Variants in ST6GAL1 observed in about 807,000 individuals in gnomAD.
The protein encoded by ST6GAL1 is beta-galactoside alpha-2,6-sialyltransferase 1.
Under a neutral mutation model 38.0 loss-of-function variants are expected in ST6GAL1, and 20 were observed. The observed-to-expected ratio is 0.53, with a 90% CI of 0.37 to 0.77. The LOEUF (loss-of-function observed/expected upper bound fraction) is 0.77. Among genes scored for constraint, ST6GAL1 ranks in the 30% least tolerant of loss-of-function variants. The pLI, the probability that ST6GAL1 is intolerant of heterozygous loss-of-function variation, is 0.00. For synonymous variants in ST6GAL1, 196 were observed against 188.2 expected (o/e 1.04, Z -0.34); for missense variants, 432 against 496.4 (o/e 0.87, Z 1.23).
At position 187,075,938 on chromosome 3, in the gene ST6GAL1, G is replaced by A; in HGVS notation, c.*135G>A. On this transcript the variant is annotated 3_prime_UTR_variant, in exon 8 of 8. Transcript: ENST00000169298. The surrounding 1 kb of genome is among the most constrained non-coding windows in gnomAD (Gnocchi z 4.1). ...AGGGGCCTCTGTCAGCAAGACCATG[G>A]GGACTTCAAGAGCCTGTGGTCAGGA... 7.3e-7 allele frequency: 1 copy of A among 1,369,720 alleles called. No individual in the cohort carries two copies. Among genetic ancestry groups the A allele is most frequent in the Non-Finnish European group, 9.8e-7 (1 of 1,025,598 alleles). The allele number at this position is 1,369,720 out of a possible 1,614,324, so 84.8% of individuals were successfully genotyped here.
Position 187,044,743 on chromosome 3 carries a change from C to G in ST6GAL1, c.607+1433C>G, listed in dbSNP as rs74506294. 1.8e-3 allele frequency among the ~76,000 whole-genome samples: 281 copies of G among 152,282 alleles called. 1 individual carries two copies. Among genetic ancestry groups the G allele is most frequent in the African/African-American group, 6.5e-3 (272 of 41,558 alleles). On this transcript the variant is annotated intron_variant, in intron 4 of 7. Transcript: ENST00000169298. ...AAGTTTGAGACAGGGCCTGATAGCT[C>G]TGTTAATTAGAACTACAGCTTTAAT...
chr3:186,987,150 G>A (rs1053843127), intron 2 of ST6GAL1, among the ~76,000 whole-genome samples: 9 of 136,776 alleles, frequency 6.6e-5, no homozygotes, highest in South Asian at 5.4e-4. Context: ...AGAAGGAAGG[G>A]AGGGAGGGAG....
rs1482970244 is a variant in ST6GAL1, at chr3:187,048,015, T to C, written c.608-3234T>C. Reference sequence around the variant, plus strand: ...TGGAGTGCAGTGGCGTGATCTTGGCTCACTGCAAGCTCCACCTCCTGGGTT... The same window carrying C: ...TGGAGTGCAGTGGCGTGATCTTGGCCCACTGCAAGCTCCACCTCCTGGGTT... On this transcript the variant is annotated intron_variant, in intron 4 of 7. Coordinates refer to ENST00000169298, the MANE Select transcript of ST6GAL1 (RefSeq NM_173216.2). Among the ~76,000 whole-genome samples, 4 of 151,578 alleles carry C rather than the reference T, an allele frequency of 2.6e-5. 1 individual carries two copies. The highest frequency in any genetic ancestry group is 2.6e-4 in the Admixed American group (4 of 15,216).
At chr3:187,021,962 C>T (rs1717322301) in intron 2 of ST6GAL1, 1 of 152,166 alleles carries the variant, frequency 6.6e-6, no homozygotes, top group Admixed American at 6.5e-5. Context: ...CACATCTCTT[C>T]ATCTGTATCC....
At position 187,066,591 on chromosome 3, in the gene ST6GAL1, TGC is replaced by T. The variant is rs1719141729; in HGVS notation, c.706-6256_706-6255del. Among the ~76,000 whole-genome samples, 5 of 122,328 alleles carry T rather than the reference TGC, an allele frequency of 4.1e-5. No individual in the cohort carries two copies. The South Asian group carries it at 1.5e-3, about 36-fold the overall frequency. 80.3% of individuals were successfully genotyped at this position (122,328 alleles called of 152,430 possible). On this transcript the variant is annotated intron_variant, in intron 5 of 7. Transcript: ENST00000169298. ...TGCACAGTGGTAATATCTGAAGATG[TGC>T]GTGCGTGCGTGTGTGTGTGTGTGTG...
intron 1 of ST6GAL1, among the ~76,000 whole-genome samples, chr3:186,945,386 A>G (rs2108517539): frequency 6.6e-6 from 1 of 152,284 alleles, no homozygotes; most frequent in South Asian, 2.1e-4. Flanking sequence ...CACTCAAATT[A>G]CTTTGCAAGT....
intron 3 of ST6GAL1, among the ~76,000 whole-genome samples, chr3:187,040,320 T>C (rs1200387074): frequency 6.6e-6 from 1 of 152,198 alleles, no homozygotes; most frequent in African/African-American, 2.4e-5. Flanking sequence ...TGAAGGTGGC[T>C]TGTCTGCGAC....
chr3:187,059,634 A>T (rs1299739197), intron 5 of ST6GAL1, among the ~76,000 whole-genome samples: 1 of 152,182 alleles, frequency 6.6e-6, no homozygotes, highest in African/African-American at 2.4e-5. Flanking sequence ...CTTCTCTCTA[A>T]AAAAGGGAGA....
Position 187,042,963 on chromosome 3 carries a change from C to G in ST6GAL1, c.260C>G (p.Ala87Gly). 1 of 1,614,182 alleles carries G rather than the reference C, an allele frequency of 6.2e-7. No homozygotes were observed. The highest frequency in any genetic ancestry group is 2.2e-5 in the East Asian group (1 of 44,888). The change falls in exon 4 of 8, where the codon GCC becomes GGC. Residue 87 changes from alanine (A) to glycine (G), a missense_variant. Ala to Gly is a moderately conservative substitution (Grantham distance 60). Coordinates refer to ENST00000169298, the MANE Select transcript of ST6GAL1 (RefSeq NM_173216.2). ...GGCAGTCTCAGAGGCCTAGCCAAGG[C>G]CAAACCAGAGGCCTCCTTCCAGGTG... ...TLGSLRGLAKAKPEASFQVWN... is the reference protein window; with the variant it reads ...TLGSLRGLAKGKPEASFQVWN...
intron 1 of ST6GAL1, chr3:186,948,981 C>G (rs951171086): frequency 6.6e-6 from 1 of 152,258 alleles, no homozygotes; most frequent in Non-Finnish European, 1.5e-5. Context: ...TGGGTGTTCT[C>G]TCGGTAAGAT....
intron 2 of ST6GAL1, among the ~76,000 whole-genome samples, chr3:186,995,510 AAAAAATAAT>A (rs1560155448): frequency 1.5e-5 from 1 of 68,820 alleles, no homozygotes; most frequent in African/African-American, 5.4e-5. Flanking sequence ...CATCTCAAAA[AAAAAATAAT>A]AATAAAATAA....
chr3:186,998,707 T>C (rs755905354), intron 2 of ST6GAL1, among the ~76,000 whole-genome samples: 1 of 152,242 alleles, frequency 6.6e-6, no homozygotes, highest in Non-Finnish European at 1.5e-5. Flanking sequence ...TACTTTCTCA[T>C]GTAATCAATA....
At chr3:187,004,189 A>G (rs921781343) in intron 2 of ST6GAL1, among the ~76,000 whole-genome samples, 1 of 152,164 alleles carries the variant, frequency 6.6e-6, no homozygotes, top group Non-Finnish European at 1.5e-5. Flanking sequence ...CATAACTAAA[A>G]GCTCCCTGAG....
intron 2 of ST6GAL1, among the ~76,000 whole-genome samples, chr3:186,967,000 A>G (rs948133618): frequency 1.3e-5 from 2 of 152,200 alleles, no homozygotes; most frequent in Non-Finnish European, 2.9e-5. Flanking sequence ...ACTCTGGCCC[A>G]CACTTGGACA....
intron 1 of ST6GAL1, among the ~76,000 whole-genome samples, chr3:186,946,763 A>G (rs1429340407): frequency 6.6e-6 from 1 of 152,228 alleles, no homozygotes; most frequent in African/African-American, 2.4e-5. Context: ...TACTTAAATC[A>G]GACCACTGAA....
intron 2 of ST6GAL1, among the ~76,000 whole-genome samples, chr3:187,032,905 C>A (rs1326519310): frequency 2.0e-5 from 3 of 152,134 alleles, no homozygotes; most frequent in Non-Finnish European, 4.4e-5. Flanking sequence ...ACCTGAATTC[C>A]TAGCCTTCAA....
At chr3:187,022,774 A>T (rs1167308415) in intron 2 of ST6GAL1, among the ~76,000 whole-genome samples, 1 of 152,118 alleles carries the variant, frequency 6.6e-6, no homozygotes, top group Non-Finnish European at 1.5e-5. Flanking sequence ...AAATATTTTA[A>T]TTTCCTTCAG....
chr3:186,987,203 G>A (rs990973846), intron 2 of ST6GAL1, among the ~76,000 whole-genome samples: 8 of 147,792 alleles, frequency 5.4e-5, no homozygotes, highest in South Asian at 2.2e-4. Context: ...AGGGAGGGAA[G>A]GAAAGAAAAG....
chr3:187,066,002 A>C (rs1326684486), intron 5 of ST6GAL1, among the ~76,000 whole-genome samples: 2 of 152,222 alleles, frequency 1.3e-5, no homozygotes, highest in South Asian at 2.1e-4. Flanking sequence ...CAGCACTTTA[A>C]ATCACCAAAG....
Sources: allele counts gnomAD v4.1 joint callset (sites outside exome capture counted in the v4.1 genomes callset), GRCh38; gene constraint gnomAD v4.1.1; non-coding constraint Gnocchi (gnomAD v3.1); transcripts MANE v1.5; gene names NCBI Gene and HGNC (gene_info 2026-07-23, HGNC 2026-07-21).